Variants in CEP164 observed in about 807,000 individuals in gnomAD.
CEP164 encodes centrosomal protein of 164 kDa.
Under a neutral mutation model 182.7 loss-of-function variants are expected in CEP164, and 162 were observed. The observed-to-expected ratio is 0.89, with a 90% CI of 0.78 to 1.01. CEP164 has a LOEUF of 1.01. Ranked by LOEUF, CEP164 falls within the 50% of genes least tolerant of loss-of-function variation. CEP164 has a pLI of 0.00. For missense variants in CEP164, 1,735 were observed against 1,790.4 expected (o/e 0.97, Z 0.56); for synonymous variants, 661 against 690.0 (o/e 0.96, Z 0.66).
chr11:117,326,236 T>TC (rs2035438256), upstream of CEP164, among the ~76,000 whole-genome samples: 1 of 150,740 alleles, frequency 6.6e-6, no homozygotes, highest in Non-Finnish European at 1.5e-5. Flanking sequence ...ATTTTATTTA[T>TC]TTTTTTAGAC....
chr11:117,344,048 T>C lies in CEP164; in HGVS notation c.83-118T>C, dbSNP rs1319456902. 1.1e-5 allele frequency: 7 copies of C among 629,436 alleles called. No individual in the cohort carries two copies. In the Admixed American group the frequency reaches 1.8e-4, roughly 16 times the overall value. 39.0% of individuals were successfully genotyped at this position (629,436 alleles called of 1,614,324 possible). A position where few individuals can be genotyped will look rare whatever the true frequency, so the allele number is the denominator to read the frequency against. ...AACAATTATATATGTTTATTGTTTA[T>C]AATTTAAAGAATACGATTTTCTCAT... On this transcript the variant is annotated intron_variant, in intron 3 of 32. Coordinates refer to ENST00000278935, the MANE Select transcript of CEP164 (RefSeq NM_014956.5).
At chr11:117,355,059 A>G in intron 5 of CEP164, 1 of 1,289,744 alleles carries the variant, frequency 7.8e-7, no homozygotes, top group Middle Eastern at 2.1e-4. Context: ...GAGGGATCCT[A>G]TAACAAAGGA....
At chr11:117,408,439 T>C (rs1249643850) in intron 28 of CEP164, 4 of 233,948 alleles carry the variant, frequency 1.7e-5, no homozygotes, top group Admixed American at 1.0e-4. Context: ...GGGGGAGGCT[T>C]AGGTGGAGTA....
intron 17 of CEP164, 60 bp from the exon 18 acceptor site, chr11:117,392,166 G>T (rs966246723): frequency 1.4e-6 from 2 of 1,444,892 alleles, no homozygotes; most frequent in Non-Finnish European, 1.8e-6. Context: ...TCCTGGCTCC[G>T]CCTCCCACCA....
chr11:117,379,746 G>A (rs1021250492), intron 11 of CEP164, among the ~76,000 whole-genome samples: 2 of 151,468 alleles, frequency 1.3e-5, no homozygotes, highest in Non-Finnish European at 1.5e-5. Flanking sequence ...ACCCCAGGCC[G>A]ACTACACTAC....
At chr11:117,384,119 A>G (rs893286993) in intron 14 of CEP164, among the ~76,000 whole-genome samples, 1 of 152,194 alleles carries the variant, frequency 6.6e-6, no homozygotes, top group Admixed American at 6.5e-5. Flanking sequence ...CTCTGCATAG[A>G]GAAAGAGAAG....
Position 117,395,688 on chromosome 11 carries a change from C to T in CEP164, c.3055C>T (p.Gln1019Ter), listed in dbSNP as rs746453731. 27 of 1,612,770 alleles carry T rather than the reference C, an allele frequency of 1.7e-5. No homozygotes were observed. Among genetic ancestry groups the T allele is most frequent in the East Asian group, 2.2e-5 (1 of 44,860 alleles). ...GCTGGAGTCCCAAGTGGATCTGCTG[C>T]AGGCTCAGAGCCAGCAACTGCAGAA... is the stretch of plus-strand genomic sequence containing the variant. ...LKLESQVDLLQAQSQQLQKHF... is the reference protein window; with the variant it reads ...LKLESQVDLL The change falls in exon 24 of 33, where the codon CAG (glutamine) becomes TAG (stop). Residue 1019 changes from glutamine (Q) to a stop codon, truncating the protein, a stop_gained. Transcript: ENST00000278935. LOFTEE classifies it high-confidence loss of function.
Position 117,394,785 on chromosome 11 carries a change from C to T in CEP164, c.2761-135C>T. ...GGTGTGGAGCCTTCCTGGGAGGCTGCAGGGGCACACAGCGAGGAAGCCTGA... is the reference window on the plus strand; with the variant it reads ...GGTGTGGAGCCTTCCTGGGAGGCTGTAGGGGCACACAGCGAGGAAGCCTGA... On this transcript the variant is annotated intron_variant, in intron 21 of 32. Coordinates refer to ENST00000278935, the MANE Select transcript of CEP164 (RefSeq NM_014956.5). This position sits in a 1 kb window ranked among gnomAD's most constrained non-coding sequence, Gnocchi z 4.0. 2.1e-6 allele frequency: 2 copies of T among 972,730 alleles called. No individual in the cohort carries two copies. Among genetic ancestry groups the T allele is most frequent in the South Asian group, 1.5e-5 (1 of 65,454 alleles). 60.3% of individuals were successfully genotyped at this position (972,730 alleles called of 1,614,324 possible). A position where few individuals can be genotyped will look rare whatever the true frequency, so the allele number is the denominator to read the frequency against.
chr11:117,412,291 AC>A lies in CEP164; in HGVS notation c.*125del. 1.3e-6 allele frequency: 1 copy of A among 753,380 alleles called. No homozygotes were observed. The highest frequency in any genetic ancestry group is 2.1e-6 in the Non-Finnish European group (1 of 469,748). 46.7% of individuals were successfully genotyped at this position (753,380 alleles called of 1,614,324 possible). A position where few individuals can be genotyped will look rare whatever the true frequency, so the allele number is the denominator to read the frequency against. On this transcript the variant is annotated 3_prime_UTR_variant, in exon 33 of 33. Transcript: ENST00000278935. ...CTTCCCCCTTTGACTTGCAGGAGCC[AC>A]CAGGGACCAGGGGGTTGAGTGGAAC... is the stretch of plus-strand genomic sequence containing the variant.
rs535300074 is a variant in CEP164, at chr11:117,364,805, CTT to C, written c.765+1303_765+1304del. 1.6e-3 allele frequency among the ~76,000 whole-genome samples: 240 copies of C among 152,274 alleles called. 2 individuals carry two copies. Among genetic ancestry groups the C allele is most frequent in the Middle Eastern group, 3.4e-3 (1 of 294 alleles). ...GAGCCACTGTGCCCAGCCTAGGACT[CTT>C]TTTGTAGTTAGACTTTGCCTGTAAC... On this transcript the variant is annotated intron_variant, in intron 8 of 32. Coordinates refer to ENST00000278935, the MANE Select transcript of CEP164 (RefSeq NM_014956.5).
chr11:117,345,621 G>A lies in CEP164; in HGVS notation c.194+1344G>A, dbSNP rs143939925. On this transcript the variant is annotated intron_variant, in intron 4 of 32. Transcript: ENST00000278935. Reference sequence around the variant, plus strand: ...ATAGCTCAAAGTGATTACAGTTGTCGCCTTACTGTCAGCTGAAGAATCACA... The same window carrying A: ...ATAGCTCAAAGTGATTACAGTTGTCACCTTACTGTCAGCTGAAGAATCACA... Among the ~76,000 whole-genome samples, 72 of 148,202 alleles carry A rather than the reference G, an allele frequency of 4.9e-4. 1 individual carries two copies. The East Asian group carries it at 0.014, about 28-fold the overall frequency.
At chr11:117,370,981 G>T (rs1592218483) in intron 8 of CEP164, 99 bp from the exon 9 acceptor site, 3 of 1,289,758 alleles carry the variant, frequency 2.3e-6, no homozygotes, top group Non-Finnish European at 3.2e-6. Flanking sequence ...GCACTGGCCT[G>T]TGGGAGTCAG....
Position 117,387,197 on chromosome 11 carries a change from T to C in CEP164, c.1725-6T>C. ...GTGATGATATGCCATTCCCCACCCA[T>C]GGTAGGCGATCCACAGAGCCTGTGG... is the stretch of plus-strand genomic sequence containing the variant. On this transcript the variant is annotated splice_region_variant and splice_polypyrimidine_tract_variant and intron_variant, in intron 14 of 32. Transcript: ENST00000278935. 1 of 1,613,782 alleles carries C rather than the reference T, an allele frequency of 6.2e-7. No homozygotes were observed. The highest frequency in any genetic ancestry group is 8.5e-7 in the Non-Finnish European group (1 of 1,179,738).
At chr11:117,326,235 A>G (rs1352457573), upstream of CEP164, among the ~76,000 whole-genome samples, 3 of 146,098 alleles carry the variant, frequency 2.1e-5, no homozygotes, top group Non-Finnish European at 4.5e-5. Context: ...TATTTTATTT[A>G]TTTTTTTAGA....
intron 27 of CEP164, among the ~76,000 whole-genome samples, chr11:117,403,027 A>G (rs1023826334): frequency 2.0e-5 from 3 of 152,146 alleles, no homozygotes; most frequent in African/African-American, 4.8e-5. Flanking sequence ...CTTGGTAGCT[A>G]TTCCTCCATC....
chr11:117,411,791 C>T lies in CEP164; in HGVS notation c.4164-4C>T. On this transcript the variant is annotated splice_region_variant and splice_polypyrimidine_tract_variant and intron_variant, in intron 31 of 32. Transcript: ENST00000278935. This position sits in a 1 kb window ranked among gnomAD's most constrained non-coding sequence, Gnocchi z 4.4. ...CCTCGCCATGCTCTCCTCTTCCTTCCCAGTGAGCAGCTCCGGCTCCTACAG... is the reference window on the plus strand; with the variant it reads ...CCTCGCCATGCTCTCCTCTTCCTTCTCAGTGAGCAGCTCCGGCTCCTACAG... 6.2e-7 allele frequency: 1 copy of T among 1,614,108 alleles called. No homozygotes were observed. The highest frequency in any genetic ancestry group is 2.2e-5 in the East Asian group (1 of 44,888).
chr11:117,371,543 C>T (rs2042192319), intron 9 of CEP164, 77 bp downstream of exon 9: 1 of 1,496,242 alleles, frequency 6.7e-7, no homozygotes, highest in African/African-American at 1.4e-5. Flanking sequence ...AGGGTCCTAT[C>T]CCCACATCTT....
At chr11:117,364,630 C>G (rs1001039515) in intron 8 of CEP164, among the ~76,000 whole-genome samples, 1 of 151,692 alleles carries the variant, frequency 6.6e-6, no homozygotes, top group Admixed American at 6.6e-5. Flanking sequence ...CGTCAGCCTC[C>G]CAAGTAGCTG....
chr11:117,383,199 T>G (rs963273939), intron 14 of CEP164, among the ~76,000 whole-genome samples: 7 of 152,110 alleles, frequency 4.6e-5, no homozygotes, highest in African/African-American at 1.7e-4. Context: ...GATGAGGGGG[T>G]ACCTCCTGGC....
Sources: gnomAD v4.1 joint callset for allele counts (sites outside exome capture counted in the v4.1 genomes callset) on GRCh38, gnomAD v4.1.1 for gene constraint, Gnocchi (gnomAD v3.1) non-coding constraint, MANE v1.5 for transcripts, NCBI Gene and HGNC (gene_info 2026-07-23, HGNC 2026-07-21) for gene names.